SORCS3: variants seen among roughly 807,000 people sequenced by gnomAD.
The protein encoded by SORCS3 is sortilin related VPS10 domain containing receptor 3, also known as VPS10 domain-containing receptor SorCS3.
A neutral mutation model predicts 146.3 loss-of-function variants in SORCS3; 57 were observed. The observed-to-expected ratio is 0.39, with a 90% CI of 0.31 to 0.49. The LOEUF (loss-of-function observed/expected upper bound fraction) is 0.49. Ranked by LOEUF, SORCS3 falls within the 20% of genes least tolerant of loss-of-function variation. SORCS3 has a pLI of 0.92. For missense variants in SORCS3, 1,341 were observed against 1,575.5 expected (o/e 0.85, Z 2.52); for synonymous variants, 653 against 618.5 (o/e 1.06, Z -0.83).
intron 22 of SORCS3, among the ~76,000 whole-genome samples, chr10:105,251,948 G>A (rs1057434534): frequency 6.6e-6 from 1 of 152,182 alleles, no homozygotes; most frequent in African/African-American, 2.4e-5. Context: ...AGATTGGAAT[G>A]CAGCTATCAT....
chr10:104,875,440 G>T (rs2018561820), intron 2 of SORCS3, among the ~76,000 whole-genome samples: 1 of 152,120 alleles, frequency 6.6e-6, no homozygotes, highest in African/African-American at 2.4e-5. Context: ...GCACAATGAG[G>T]CACAATGATA....
intron 1 of SORCS3, among the ~76,000 whole-genome samples, chr10:104,783,025 T>G (rs185887175): frequency 1.2e-4 from 19 of 152,360 alleles, no homozygotes; most frequent in Non-Finnish European, 4.4e-5. Context: ...AGGTCTCATA[T>G]TTTATGATCT....
intron 7 of SORCS3, among the ~76,000 whole-genome samples, chr10:105,120,565 C>T (rs1203854046): frequency 2.0e-5 from 3 of 152,126 alleles, no homozygotes; most frequent in African/African-American, 4.8e-5. Flanking sequence ...CTCCTTGCTC[C>T]ATTCAGAACT....
At chr10:104,938,721 G>A (rs1161073229) in intron 3 of SORCS3, among the ~76,000 whole-genome samples, 3 of 152,148 alleles carry the variant, frequency 2.0e-5, no homozygotes, top group African/African-American at 7.2e-5. Flanking sequence ...AATATGGCTA[G>A]TTCTGTTATG....
intron 7 of SORCS3, among the ~76,000 whole-genome samples, chr10:105,119,796 C>T (rs1245412842): frequency 6.6e-6 from 1 of 152,156 alleles, no homozygotes; most frequent in Non-Finnish European, 1.5e-5. Flanking sequence ...GCCTATACCC[C>T]CATTGTATCT....
chr10:105,170,066 G>T (rs1367866159), intron 13 of SORCS3, among the ~76,000 whole-genome samples: 1 of 152,108 alleles, frequency 6.6e-6, no homozygotes, highest in Non-Finnish European at 1.5e-5. Context: ...AGGAAAGAAA[G>T]AGTTTATTTT....
intron 1 of SORCS3, among the ~76,000 whole-genome samples, chr10:104,723,679 T>G (rs2016581645): frequency 6.6e-6 from 1 of 152,232 alleles, no homozygotes; most frequent in African/African-American, 2.4e-5. Flanking sequence ...TGGGTGCATA[T>G]ATATTTAGGA....
intron 1 of SORCS3, among the ~76,000 whole-genome samples, chr10:104,727,052 T>C (rs1257489998): frequency 6.6e-6 from 1 of 152,214 alleles, no homozygotes; most frequent in Non-Finnish European, 1.5e-5. Flanking sequence ...CCATAAGTAT[T>C]TGTGTTCACT....
chr10:104,856,811 T>A (rs1479687449), intron 2 of SORCS3, among the ~76,000 whole-genome samples: 2 of 144,670 alleles, frequency 1.4e-5, no homozygotes, highest in Non-Finnish European at 3.0e-5. Flanking sequence ...ATATATTAAT[T>A]ATATAAATAT....
At chr10:105,127,232 A>G (rs1049926896) in intron 7 of SORCS3, among the ~76,000 whole-genome samples, 1 of 152,100 alleles carries the variant, frequency 6.6e-6, no homozygotes, top group Admixed American at 6.6e-5. Context: ...AAGCTCTTTT[A>G]TAGCCCCTGA....
intron 1 of SORCS3, among the ~76,000 whole-genome samples, chr10:104,836,532 C>T (rs1022932932): frequency 6.6e-6 from 1 of 152,174 alleles, no homozygotes; most frequent in Non-Finnish European, 1.5e-5. Flanking sequence ...TCTACAAAGA[C>T]AGCTCCAACT....
chr10:104,913,042 G>C (rs1241556122), intron 2 of SORCS3, among the ~76,000 whole-genome samples: 5 of 152,178 alleles, frequency 3.3e-5, no homozygotes, highest in Non-Finnish European at 5.9e-5. Context: ...AGTTTAGCGA[G>C]GCTGGAGAGA....
chr10:105,141,308 A>G (rs1397820131), intron 8 of SORCS3, among the ~76,000 whole-genome samples: 20 of 152,158 alleles, frequency 1.3e-4, no homozygotes, highest in Admixed American at 1.3e-3. Context: ...TCTCATTAAT[A>G]TGAGGGCTGC....
intron 1 of SORCS3, among the ~76,000 whole-genome samples, chr10:104,709,907 T>C (rs2016392208): frequency 6.6e-6 from 1 of 151,968 alleles, no homozygotes; most frequent in Non-Finnish European, 1.5e-5. Flanking sequence ...TTTTTTTTTT[T>C]TTAATTAAAA....
intron 14 of SORCS3, among the ~76,000 whole-genome samples, chr10:105,188,830 C>G (rs965748187): frequency 1.3e-5 from 2 of 152,116 alleles, no homozygotes; most frequent in Non-Finnish European, 2.9e-5. Context: ...TTAATGACAT[C>G]CAGCCAGTAA....
At chr10:104,877,289 C>T (rs1415312027) in intron 2 of SORCS3, among the ~76,000 whole-genome samples, 1 of 152,116 alleles carries the variant, frequency 6.6e-6, no homozygotes, top group Admixed American at 6.6e-5. Context: ...TTTCTTTCCA[C>T]CCTTTCTTTG....
intron 1 of SORCS3, among the ~76,000 whole-genome samples, chr10:104,645,859 G>C (rs553017119): frequency 1.4e-4 from 22 of 152,220 alleles, no homozygotes; most frequent in Non-Finnish European, 2.6e-4. Flanking sequence ...TCATCTAATT[G>C]TGGCTCCCAA....
At chr10:104,836,665 G>A (rs1048733301) in intron 1 of SORCS3, among the ~76,000 whole-genome samples, 1 of 151,974 alleles carries the variant, frequency 6.6e-6, no homozygotes, top group Non-Finnish European at 1.5e-5. Flanking sequence ...AATCATTACT[G>A]ACTACACCAA....
At chr10:105,232,361 A>C (rs2056770391) in intron 20 of SORCS3, among the ~76,000 whole-genome samples, 1 of 152,094 alleles carries the variant, frequency 6.6e-6, no homozygotes, top group African/African-American at 2.4e-5. Flanking sequence ...TCACCATTTT[A>C]ATATCTATAA....
Sources: allele counts gnomAD v4.1 joint callset (sites outside exome capture counted in the v4.1 genomes callset), GRCh38; gene constraint gnomAD v4.1.1; transcripts MANE v1.5; gene names NCBI Gene and HGNC (gene_info 2026-07-23, HGNC 2026-07-21).